SLC26A1: variants seen among roughly 807,000 people sequenced by gnomAD.
SLC26A1 encodes the protein solute carrier family 26 member 1.
A neutral mutation model predicts 14.5 loss-of-function variants in SLC26A1; 18 were observed. That is an observed-to-expected ratio of 1.24 (90% CI 0.86 to 1.84). SLC26A1 has a LOEUF of 1.84. SLC26A1 is among the 40% of genes most tolerant of loss of function. The probability of loss-of-function intolerance (pLI) is 0.00; values close to 1 mark genes in which losing one functional copy is unlikely to be tolerated. For synonymous variants in SLC26A1, 505 were observed against 492.0 expected (o/e 1.03, Z -0.35); for missense variants, 1,049 against 1,020.0 (o/e 1.03, Z -0.39).
chr4:987,265 G>C (rs1162512463), downstream of SLC26A1: 2 of 1,512,806 alleles, frequency 1.3e-6, no homozygotes, highest in Non-Finnish European at 1.8e-6. Flanking sequence ...CGGCCTCCGG[G>C]ACCCCCTGGC....
Position 987,686 on chromosome 4 carries a change from C to G in SLC26A1, c.*1147G>C. 1 of 1,516,624 alleles carries G rather than the reference C, an allele frequency of 6.6e-7. No homozygotes were observed. The highest frequency in any genetic ancestry group is 8.8e-7 in the Non-Finnish European group (1 of 1,130,282). 93.9% of individuals were successfully genotyped at this position (1,516,624 alleles called of 1,614,324 possible). A position where few individuals can be genotyped will look rare whatever the true frequency, so the allele number is the denominator to read the frequency against. ...TGGCCCTAAGGGTCATTTTATTAGT[C>G]ACTGAACGCACGGGCAGCGCCTGGA... On this transcript the variant is annotated 3_prime_UTR_variant, in exon 3 of 3. Coordinates refer to ENST00000398516, the MANE Select transcript of SLC26A1 (RefSeq NM_022042.4).
At position 991,512 on chromosome 4, in the gene SLC26A1, G is replaced by A. The variant is rs770877252; in HGVS notation, c.192C>T (p.Arg64=). 5 of 1,609,532 alleles carry A rather than the reference G, an allele frequency of 3.1e-6. No homozygotes were observed. Among genetic ancestry groups the A allele is most frequent in the Non-Finnish European group, 4.2e-6 (5 of 1,177,720 alleles). The change falls in exon 2 of 3, where the codon CGC becomes CGT. Residue 64 remains arginine (R), a synonymous_variant. Coordinates refer to ENST00000398516, the MANE Select transcript of SLC26A1 (RefSeq NM_022042.4). ...CGTCGCCTGCCAGGTACTCCCGCGG[G>A]CGGTACTGACGCAGCCAGCGCGTGG... ...LPATRWLRQY[R]PREYLAGDVM...
chr4:979,098 G>A (rs1713459553), exon 3 of SLC26A1: 1 of 228,982 alleles, frequency 4.4e-6, no homozygotes, highest in African/African-American at 2.3e-5. Flanking sequence ...TTCCACAGAG[G>A]AAAGAGGAAG....
chr4:988,879 G>T lies in SLC26A1; in HGVS notation c.2060C>A (p.Ala687Glu). The T allele has an allele frequency of 6.3e-7, 1 of 1,599,768 alleles. No homozygotes were observed. The highest frequency in any genetic ancestry group is 8.5e-7 in the Non-Finnish European group (1 of 1,173,790). ...FLSVHDAVQT[A>E]RARHRELEAT... ...CTCCAGCTCCCTGTGGCGGGCTCGT[G>T]CTGTCTGCACGGCATCGTGCACACT... Residue 687 changes from alanine (A) to glutamate (E), a missense_variant, in exon 3 of 3, where the codon GCA becomes GAA. Transcript: ENST00000398516.
In SLC26A1 at chr4:990,379, G is replaced by C. The variant is rs768693510; in HGVS notation, c.577-17C>G. On this transcript the variant is annotated splice_polypyrimidine_tract_variant and intron_variant, in intron 2 of 2. Transcript: ENST00000398516. ...CATGAGGACCTGTGGACGGAGTGCG[G>C]TCAGGCCAGCAGGCGCCTGGCGGGA... The C allele has an allele frequency of 1.3e-6, 2 of 1,575,444 alleles. No individual in the cohort carries two copies. The highest frequency in any genetic ancestry group is 1.7e-6 in the Non-Finnish European group (2 of 1,160,326).
chr4:989,087 G>T lies in SLC26A1; in HGVS notation c.1852C>A (p.Pro618Thr). The change falls in exon 3 of 3, where the codon CCG becomes ACG. Residue 618 changes from proline to threonine, a missense_variant. Pro to Thr is a conservative substitution (Grantham distance 38, BLOSUM62 -1). Coordinates refer to ENST00000398516, the MANE Select transcript of SLC26A1 (RefSeq NM_022042.4). ...GFHTVVIDCA[P>T]LLFLDAAGVS... ...CCGGCTGCGTCTAGGAACAGCAGCG[G>T]GGCGCAGTCGATGACCACTGTGTGG... The T allele has an allele frequency of 6.3e-7, 1 of 1,598,824 alleles. No homozygotes were observed. Among genetic ancestry groups the T allele is most frequent in the East Asian group, 2.3e-5 (1 of 43,840 alleles).
At chr4:991,890 G>T (rs953319994) in intron 1 of SLC26A1, 160 bp from the exon 2 acceptor site, 10 of 1,310,766 alleles carry the variant, frequency 7.6e-6, no homozygotes, top group Non-Finnish European at 8.5e-6. Context: ...CCAGCCCCCT[G>T]CCCGGTATGG....
chr4:981,336 G>T (rs867045128), intron 2 of SLC26A1, among the ~76,000 whole-genome samples: 23 of 152,178 alleles, frequency 1.5e-4, no homozygotes, highest in African/African-American at 5.3e-4. Flanking sequence ...AACCAGCCAG[G>T]CGTGGTGGCT....
downstream of SLC26A1, among the ~76,000 whole-genome samples, chr4:984,640 G>A (rs895394025): frequency 8.5e-5 from 13 of 152,120 alleles, no homozygotes; most frequent in African/African-American, 2.9e-4. Context: ...AGACCAGCCT[G>A]GCCAGGATGG....
At chr4:987,077 G>A (rs763960374), downstream of SLC26A1, 16 of 1,490,958 alleles carry the variant, frequency 1.1e-5, no homozygotes, top group African/African-American at 1.6e-4. Flanking sequence ...CCCCGAGCAC[G>A]CGTGGCCATG....
Position 979,581 on chromosome 4 carries a change from C to G in SLC26A1, c.577-77G>C, listed in dbSNP as rs913511247. 3 of 1,584,244 alleles carry G rather than the reference C, an allele frequency of 1.9e-6. No homozygotes were observed. The African/African-American group carries it at 4.0e-5, about 21-fold the overall frequency. On this transcript the variant is annotated intron_variant, in intron 2 of 2. Transcript: ENST00000398520. ...GTCTCCACAGCCAAACGTCCCCCTG[C>G]CGGGCCCCAAAGTGCCCACTGCCTC...
In SLC26A1 at chr4:988,623, G is replaced by C; in HGVS notation, c.*210C>G. On this transcript the variant is annotated 3_prime_UTR_variant, in exon 3 of 3. Transcript: ENST00000398516. ...TGTGGGCCAGCCTGTCTCGGAGGCA[G>C]AGGTTCTTGATTTCTGAGTGTTTGG... 1.5e-6 allele frequency: 2 copies of C among 1,379,226 alleles called. No homozygotes were observed. Among genetic ancestry groups the C allele is most frequent in the Non-Finnish European group, 1.9e-6 (2 of 1,072,358 alleles). The allele number at this position is 1,379,226 out of a possible 1,614,324, so 85.4% of individuals were successfully genotyped here. A position where few individuals can be genotyped will look rare whatever the true frequency, so the allele number is the denominator to read the frequency against.
downstream of SLC26A1, chr4:987,371 C>A: frequency 1.0e-5 from 10 of 960,560 alleles, no homozygotes; most frequent in South Asian, 1.5e-4. Context: ...CCCGGGCCCG[C>A]CCCCCGCCGT....
At position 991,382 on chromosome 4, in the gene SLC26A1, CGAA is replaced by C. The variant is rs750081799; in HGVS notation, c.319_321del (p.Phe107del). 10 of 1,612,676 alleles carry C rather than the reference CGAA, an allele frequency of 6.2e-6. No individual in the cohort carries two copies. In the African/African-American group the frequency reaches 9.3e-5, roughly 15 times the overall value. ...CCCATGAGGAAGTAGATGAGGTTGGCGAAGAAGGACGTATAGAGGCTGTAGATG... is the reference window on the plus strand; with the variant it reads ...CCCATGAGGAAGTAGATGAGGTTGGCGAAGGACGTATAGAGGCTGTAGATG... On this transcript the variant is annotated inframe_deletion, in exon 2 of 3. Transcript: ENST00000398516.
At position 988,053 on chromosome 4, in the gene SLC26A1, C is replaced by T. The variant is rs1713884386; in HGVS notation, c.*780G>A. On this transcript the variant is annotated 3_prime_UTR_variant, in exon 3 of 3. Transcript: ENST00000398516. ...GGAAGACCCCTTGTTCCCCCACCTC[C>T]CGCCGAAGCACCCTGTTGGGGAGAG... is the stretch of plus-strand genomic sequence containing the variant. The T allele has an allele frequency of 6.8e-6, 10 of 1,476,436 alleles. 1 individual carries two copies. The South Asian group carries it at 9.4e-5, about 14-fold the overall frequency. The allele number at this position is 1,476,436 out of a possible 1,614,324, so 91.5% of individuals were successfully genotyped here.
Position 988,713 on chromosome 4 carries a change from G to A in SLC26A1, c.*120C>T. ...GTTCCCCGGTTTCCCCAGGGCAGCT[G>A]TGGCACAAGAGTGCAGCTCTTGGGT... On this transcript the variant is annotated 3_prime_UTR_variant, in exon 3 of 3. Transcript: ENST00000398516. The A allele has an allele frequency of 1.2e-5, 17 of 1,418,866 alleles. No homozygotes were observed. The highest frequency in any genetic ancestry group is 1.5e-5 in the Non-Finnish European group (16 of 1,090,484). The allele number at this position is 1,418,866 out of a possible 1,614,324, so 87.9% of individuals were successfully genotyped here. A position where few individuals can be genotyped will look rare whatever the true frequency, so the allele number is the denominator to read the frequency against.
Position 988,078 on chromosome 4 carries a change from G to A in SLC26A1, c.*755C>T. 1.4e-6 allele frequency: 2 copies of A among 1,456,424 alleles called. No homozygotes were observed. The highest frequency in any genetic ancestry group is 1.8e-6 in the Non-Finnish European group (2 of 1,103,116). The allele number at this position is 1,456,424 out of a possible 1,614,324, so 90.2% of individuals were successfully genotyped here. Reference sequence around the variant, plus strand: ...CCGCCGAAGCACCCTGTTGGGGAGAGCGTGTCCTTGCTGGCTGTGCTGGGG... The same window carrying A: ...CCGCCGAAGCACCCTGTTGGGGAGAACGTGTCCTTGCTGGCTGTGCTGGGG... On this transcript the variant is annotated 3_prime_UTR_variant, in exon 3 of 3. Transcript: ENST00000398516.
At chr4:987,391 T>A (rs1033465701), downstream of SLC26A1, 36 of 865,928 alleles carry the variant, frequency 4.2e-5, no homozygotes, top group Admixed American at 6.1e-4. Flanking sequence ...TGTTTGTGGG[T>A]GGGTCCTCCA....
Position 991,464 on chromosome 4 carries a change from G to T in SLC26A1, c.240C>A (p.Gly80=), listed in dbSNP as rs1325853085. 1.2e-6 allele frequency: 2 copies of T among 1,612,474 alleles called. No homozygotes were observed. The highest frequency in any genetic ancestry group is 1.7e-5 in the Admixed American group (1 of 60,002). Reference sequence around the variant, plus strand: ...CGATGGCCTGCGGCACCAGGATGATGCCGATGACCAGCCCAGACATGACGT... The same window carrying T: ...CGATGGCCTGCGGCACCAGGATGATTCCGATGACCAGCCCAGACATGACGT... ...AGDVMSGLVI[G]IILVPQAIAY... The change falls in exon 2 of 3, where the codon GGC becomes GGA. Residue 80 remains glycine, a synonymous_variant. Transcript: ENST00000398516.
Sources: gnomAD v4.1 joint callset for allele counts (sites outside exome capture counted in the v4.1 genomes callset) on GRCh38, gnomAD v4.1.1 for gene constraint, MANE v1.5 for transcripts, NCBI Gene and HGNC (gene_info 2026-07-23, HGNC 2026-07-21) for gene names.